CNTNAP3: variants seen among roughly 807,000 people sequenced by gnomAD.
The protein encoded by CNTNAP3 is contactin associated protein family member 3.
A neutral mutation model predicts 92.1 loss-of-function variants in CNTNAP3; 36 were observed. The observed-to-expected ratio is 0.39, with a 90% CI of 0.30 to 0.52. The LOEUF (loss-of-function observed/expected upper bound fraction) is 0.52. CNTNAP3 is among the 20% of genes least tolerant of loss of function. CNTNAP3 has a pLI of 0.76. For synonymous variants in CNTNAP3, 232 were observed against 422.3 expected, an observed-to-expected ratio of 0.55 and a Z score of 5.53; for missense variants, 534 against 1,069.6, an observed-to-expected ratio of 0.50 and a Z score of 6.98.
At position 39,225,752 on chromosome 9, in the gene CNTNAP3, T is replaced by C. The variant is rs1822691122; in HGVS notation, c.390+13241A>G. On this transcript the variant is annotated intron_variant, in intron 3 of 23. Transcript: ENST00000297668. ...CTGACTGCCTTTTTTCCTTCCTTCC[T>C]GTCTTACTTTCTTCTTTGCTCCCTC... Among the ~76,000 whole-genome samples, 2 of 56,360 alleles carry C rather than the reference T, an allele frequency of 3.5e-5. 1 individual carries two copies. Among genetic ancestry groups the C allele is most frequent in the African/African-American group, 6.2e-5 (2 of 32,112 alleles). The allele number at this position is 56,360 out of a possible 152,430, so 37.0% of individuals were successfully genotyped here.
Position 39,069,410 on chromosome 9 carries a change from T to A in CNTNAP3, c.*4480A>T, listed in dbSNP as rs1207813991. Reference sequence around the variant, plus strand: ...GGCTTTCTTAAATTTTTAGGTACCATCACAAGCTAGCTAAGTTAGAAATTT... The same window carrying A: ...GGCTTTCTTAAATTTTTAGGTACCAACACAAGCTAGCTAAGTTAGAAATTT... On this transcript the variant is annotated 3_prime_UTR_variant, in exon 24 of 24. Transcript: ENST00000297668. Among the ~76,000 whole-genome samples the A allele has an allele frequency of 6.6e-6, 1 of 152,312 alleles. No homozygotes were observed. The highest frequency in any genetic ancestry group is 6.5e-5 in the Admixed American group (1 of 15,294).
chr9:39,086,982 C>G (rs2118421491), intron 19 of CNTNAP3, 133 bp from the exon 20 acceptor site: 1 of 901,434 alleles, frequency 1.1e-6, no homozygotes, highest in East Asian at 2.7e-5. Flanking sequence ...TTAGATGCAC[C>G]CAATAGTTAT....
chr9:39,074,850 G>A (rs962980793), intron 23 of CNTNAP3, among the ~76,000 whole-genome samples: 16 of 152,322 alleles, frequency 1.1e-4, no homozygotes, highest in African/African-American at 3.8e-4. Context: ...CTCACTGCAA[G>A]CTCCGCCTCC....
chr9:39,149,030 G>A (rs1821775318), intron 10 of CNTNAP3, among the ~76,000 whole-genome samples: 1 of 152,050 alleles, frequency 6.6e-6, no homozygotes, highest in African/African-American at 2.4e-5. Flanking sequence ...TGTTTTTCTT[G>A]TCTAACCTCC....
chr9:39,067,776 A>T lies in CNTNAP3; in HGVS notation c.*6114T>A, dbSNP rs1825541499. Among the ~76,000 whole-genome samples the T allele has an allele frequency of 6.6e-6, 1 of 152,312 alleles. No individual in the cohort carries two copies. Among genetic ancestry groups the T allele is most frequent in the Non-Finnish European group, 1.5e-5 (1 of 68,058 alleles). On this transcript the variant is annotated 3_prime_UTR_variant, in exon 24 of 24. Transcript: ENST00000297668. ...CCAATTAGTTATTGGAAACGGTTTG[A>T]TCTTTTTTTCCAAATCTTTGAAGAT...
At chr9:39,217,364 A>ATATATATG (rs1244137129) in intron 3 of CNTNAP3, among the ~76,000 whole-genome samples, 1 of 14,212 alleles carries the variant, frequency 7.0e-5, no homozygotes, top group African/African-American at 1.2e-4. Context: ...ATGAGTATAT[A>ATATATATG]TATATATATA....
intron 21 of CNTNAP3, among the ~76,000 whole-genome samples, chr9:39,081,413 G>A (rs945404450): frequency 1.3e-5 from 2 of 151,024 alleles, no homozygotes; most frequent in African/African-American, 2.4e-5. Context: ...TCTCAACTTC[G>A]GGGTCCTGCA....
intron 19 of CNTNAP3, among the ~76,000 whole-genome samples, chr9:39,087,251 A>G (rs1296350716): frequency 6.6e-6 from 1 of 152,236 alleles, no homozygotes; most frequent in Admixed American, 6.5e-5. Flanking sequence ...ATAACTTCTA[A>G]TAAGGCTCAT....
Position 39,069,017 on chromosome 9 carries a change from T to TAC in CNTNAP3, c.*4871_*4872dup, listed in dbSNP as rs1290329341. Among the ~76,000 whole-genome samples the TAC allele has an allele frequency of 4.6e-5, 6 of 129,128 alleles. No individual in the cohort carries two copies. The highest frequency in any genetic ancestry group is 5.0e-4 in the East Asian group (2 of 3,970). 84.7% of individuals were successfully genotyped at this position (129,128 alleles called of 152,430 possible). ...AAATATATGTAAGTATAAACACACATACACATATATATATGTATGTATATA... is the reference window on the plus strand; with the variant it reads ...AAATATATGTAAGTATAAACACACATACACACATATATATATGTATGTATATA... On this transcript the variant is annotated 3_prime_UTR_variant, in exon 24 of 24. Transcript: ENST00000297668.
At chr9:39,107,797 AT>A (rs1311038746) in intron 15 of CNTNAP3, among the ~76,000 whole-genome samples, 3 of 152,220 alleles carry the variant, frequency 2.0e-5, no homozygotes, top group Non-Finnish European at 2.9e-5. Context: ...AATCCAACAA[AT>A]GAAACAAAGT....
At chr9:39,168,246 T>C (rs1171363881) in intron 8 of CNTNAP3, among the ~76,000 whole-genome samples, 1 of 149,740 alleles carries the variant, frequency 6.7e-6, no homozygotes, top group African/African-American at 2.4e-5. Flanking sequence ...CTCAATCTCC[T>C]GACCTCGTGA....
chr9:39,248,544 A>T (rs1387787018), intron 2 of CNTNAP3, among the ~76,000 whole-genome samples: 4 of 41,170 alleles, frequency 9.7e-5, no homozygotes, highest in South Asian at 1.9e-3. Context: ...TATATATATA[A>T]ATTTTTTTTT....
chr9:39,136,163 T>A (rs953440118), intron 12 of CNTNAP3, among the ~76,000 whole-genome samples: 12 of 141,444 alleles, frequency 8.5e-5, no homozygotes, highest in Admixed American at 2.8e-4. Context: ...ATAATAATAA[T>A]AAAAATAATA....
At chr9:39,133,363 C>G (rs1324111702) in intron 12 of CNTNAP3, among the ~76,000 whole-genome samples, 1 of 152,144 alleles carries the variant, frequency 6.6e-6, no homozygotes, top group East Asian at 1.9e-4. Flanking sequence ...TGTGACGTCA[C>G]GCCTAAAAGT....
At chr9:39,094,404 T>C (rs1826282028) in intron 18 of CNTNAP3, among the ~76,000 whole-genome samples, 1 of 151,668 alleles carries the variant, frequency 6.6e-6, no homozygotes, top group South Asian at 2.1e-4. Context: ...TTGTTGCCCG[T>C]GCTTTTGGGG....
chr9:39,179,286 T>TCTCTACACACAC (rs1491209886), intron 4 of CNTNAP3, among the ~76,000 whole-genome samples: 1 of 80,724 alleles, frequency 1.2e-5, no homozygotes, highest in Non-Finnish European at 2.3e-5. Context: ...TCTCTCTCTC[T>TCTCTACACACAC]ACACACACAC....
rs1378571635 is a variant in CNTNAP3, at chr9:39,086,857, G to T, written c.3221-8C>A. The T allele has an allele frequency of 6.3e-7, 1 of 1,591,894 alleles. No homozygotes were observed. Among genetic ancestry groups the T allele is most frequent in the African/African-American group, 1.4e-5 (1 of 73,456 alleles). On this transcript the variant is annotated splice_region_variant and splice_polypyrimidine_tract_variant and intron_variant, in intron 19 of 23. Transcript: ENST00000297668. ...ACCTAATCTGCAAACTTCCTAAAAA[G>T]AAAAATAAATGGCATTTAAAATTAA...
intron 13 of CNTNAP3, among the ~76,000 whole-genome samples, chr9:39,132,014 C>T (rs1377318271): frequency 6.6e-6 from 1 of 151,992 alleles, no homozygotes; most frequent in Non-Finnish European, 1.5e-5. Flanking sequence ...TATTATGCTA[C>T]CGACATATAC....
At chr9:39,100,228 C>A (rs1037075437) in intron 17 of CNTNAP3, 78 bp from the exon 18 acceptor site, 293 of 1,449,374 alleles carry the variant, frequency 2.0e-4, no homozygotes, top group Non-Finnish European at 2.6e-4. Flanking sequence ...CAAACTCAGG[C>A]CTTATGGAGA....
Sources: gnomAD v4.1 joint callset for allele counts (sites outside exome capture counted in the v4.1 genomes callset) on GRCh38, gnomAD v4.1.1 for gene constraint, MANE v1.5 for transcripts, NCBI Gene and HGNC (gene_info 2026-07-23, HGNC 2026-07-21) for gene names.